Variants in LY6K observed in about 807,000 individuals in gnomAD.
LY6K encodes the protein lymphocyte antigen 6 family member K.
LY6K carries 9 observed loss-of-function variants against 10.4 expected under a neutral mutation model. The ratio of observed to expected loss-of-function variants is 0.87; its 90% CI spans 0.52 to 1.52. The LOEUF is 1.52. Among genes scored for constraint, LY6K ranks in the 40% most tolerant of loss-of-function variants. The probability of loss-of-function intolerance (pLI) is 0.00; values close to 1 mark genes in which losing one functional copy is unlikely to be tolerated. For missense variants in LY6K, 217 were observed against 211.7 expected (o/e 1.02, Z -0.15); for synonymous variants, 98 against 83.7 (o/e 1.17, Z -0.94).
At chr8:142,701,499 TGGGGACCCGCC>T in intron 1 of LY6K, 90 bp from the exon 2 acceptor site, 1 of 749,698 alleles carries the variant, frequency 1.3e-6, no homozygotes, top group Non-Finnish European at 2.3e-6. Flanking sequence ...GGGAGAAGGA[TGGGGACCCGCC>T]GAGTTTGTGC....
chr8:142,702,279 T>G, intron 2 of LY6K: 1 of 567,958 alleles, frequency 1.8e-6, no homozygotes, highest in South Asian at 2.4e-5. Flanking sequence ...AATTAAGCTT[T>G]AATAGTGTTA....
chr8:142,703,411 A>C lies in LY6K; in HGVS notation c.*40A>C. On this transcript the variant is annotated 3_prime_UTR_variant, in exon 3 of 3. Coordinates refer to ENST00000292430, the MANE Select transcript of LY6K (RefSeq NM_017527.4). ...ACAGACTGAGCCTTCCGGAGCATGG[A>C]CTCGCTCCAGACCGTTGTCACCTGT... 1 of 1,580,358 alleles carries C rather than the reference A, an allele frequency of 6.3e-7. No individual in the cohort carries two copies. Among genetic ancestry groups the C allele is most frequent in the Non-Finnish European group, 8.6e-7 (1 of 1,163,986 alleles).
rs1212331198 is a variant in LY6K at position 142,700,545 on chromosome 8, G to C, written c.18G>C (p.Leu6Phe). The C allele has an allele frequency of 6.3e-7, 1 of 1,584,596 alleles. No homozygotes were observed. Among genetic ancestry groups the C allele is most frequent in the Non-Finnish European group, 8.6e-7 (1 of 1,167,724 alleles). ...TGGGGACGATGGCGCTGCTCGCCTT[G>C]CTGCTGGTCGTGGCCCTACCGCGGG... Reference protein sequence around the residue: MALLALLLVVALPRVW... With the variant: MALLAFLLVVALPRVW... Residue 6 changes from leucine (L) to phenylalanine (F), a missense_variant, in exon 1 of 3, where the codon TTG becomes TTC. Physicochemically the swap from Leu to Phe is conservative, Grantham distance 22. Coordinates refer to ENST00000292430, the MANE Select transcript of LY6K (RefSeq NM_017527.4).
Position 142,701,603 on chromosome 8 carries a change from A to C in LY6K, c.107A>C (p.Glu36Ala). Residue 36 changes from glutamate (E) to alanine (A), a missense_variant, in exon 2 of 3, where the codon GAG becomes GCG. Glu to Ala is a moderately radical substitution (Grantham distance 107). Transcript: ENST00000292430. ...TCTTTTTTATTCCTCCTTTCAGACG[A>C]GGGTGACAATAGAGTGTGGTGTCAT... is the stretch of plus-strand genomic sequence containing the variant. The part of the protein sequence containing the change: ...RDPEDSQRTD[E>A]GDNRVWCHVC... The C allele has an allele frequency of 1.9e-6, 3 of 1,601,886 alleles. No individual in the cohort carries two copies. Among genetic ancestry groups the C allele is most frequent in the Non-Finnish European group, 2.6e-6 (3 of 1,168,948 alleles).
chr8:142,702,324 T>TA (rs1267699846), intron 2 of LY6K: 1 of 607,504 alleles, frequency 1.6e-6, no homozygotes, highest in Non-Finnish European at 2.9e-6. Flanking sequence ...ATGTCACTCT[T>TA]ACAAGAGATG....
Position 142,703,256 on chromosome 8 carries a change from T to C in LY6K, c.383T>C (p.Ile128Thr). The change falls in exon 3 of 3, where the codon ATC becomes ACC. Residue 128 changes from isoleucine to threonine, a missense_variant. By Grantham distance (89) the Ile-to-Thr change is moderately conservative (BLOSUM62 -1). Transcript: ENST00000292430. ...IRYCNLEGPPINSSVFKEYAG... is the reference protein window; with the variant it reads ...IRYCNLEGPPTNSSVFKEYAG... Reference sequence around the variant, plus strand: ...TACTGCAATTTAGAGGGGCCACCTATCAACTCATCAGTGTTCAAAGAATAT... The same window carrying C: ...TACTGCAATTTAGAGGGGCCACCTACCAACTCATCAGTGTTCAAAGAATAT... The C allele has an allele frequency of 1.9e-6, 3 of 1,614,178 alleles. No individual in the cohort carries two copies. The highest frequency in any genetic ancestry group is 2.5e-6 in the Non-Finnish European group (3 of 1,180,046).
At position 142,703,544 on chromosome 8, in the gene LY6K, TTAAC is replaced by T; in HGVS notation, c.*175_*178del. 1 of 686,832 alleles carries T rather than the reference TTAAC, an allele frequency of 1.5e-6. No individual in the cohort carries two copies. The highest frequency in any genetic ancestry group is 2.4e-6 in the Non-Finnish European group (1 of 422,944). The allele number at this position is 686,832 out of a possible 1,614,324, so 42.5% of individuals were successfully genotyped here. The stretch of plus-strand genomic sequence containing the variant: ...TTGGCTCTTAACCCTCAAGGGTTCT[TTAAC>T]TCACATTCAGAGGAAGTCCAGATCT... On this transcript the variant is annotated 3_prime_UTR_variant, in exon 3 of 3. Coordinates refer to ENST00000292430, the MANE Select transcript of LY6K (RefSeq NM_017527.4).
At position 142,704,158 on chromosome 8, in the gene LY6K, G is replaced by C. The variant is rs1040498825; in HGVS notation, c.*787G>C. 6.6e-6 allele frequency: 1 copy of C among 152,124 alleles called. No individual in the cohort carries two copies. Among genetic ancestry groups the C allele is most frequent in the Non-Finnish European group, 1.5e-5 (1 of 68,020 alleles). The allele number at this position is 152,124 out of a possible 1,614,324, so 9.4% of individuals were successfully genotyped here. A position where few individuals can be genotyped will look rare whatever the true frequency, so the allele number is the denominator to read the frequency against. ...AAACAAATACAAGGGGACTTCAAAA[G>C]TTCACGAAAAAATTGAATTAAAAGA... is the stretch of plus-strand genomic sequence containing the variant. On this transcript the variant is annotated 3_prime_UTR_variant, in exon 3 of 3. Coordinates refer to ENST00000292430, the MANE Select transcript of LY6K (RefSeq NM_017527.4).
intron 2 of LY6K, chr8:142,702,710 C>T: frequency 6.7e-7 from 1 of 1,498,040 alleles, no homozygotes. Context: ...AGAGTCGAGC[C>T]AGGCCCACCA....
At chr8:142,701,895 C>T (rs1300234531) in intron 2 of LY6K, 182 bp downstream of exon 2, 4 of 531,960 alleles carry the variant, frequency 7.5e-6, no homozygotes, top group Admixed American at 3.2e-5. Flanking sequence ...ACTGCAACCT[C>T]GCCTTCCGGG....
In LY6K at chr8:142,703,583, T is replaced by G. The variant is rs190173214; in HGVS notation, c.*212T>G. 1.9e-4 allele frequency: 110 copies of G among 566,526 alleles called. 1 individual carries two copies. In the African/African-American group the frequency reaches 2.0e-3, roughly 10 times the overall value. 35.1% of individuals were successfully genotyped at this position (566,526 alleles called of 1,614,324 possible). A position where few individuals can be genotyped will look rare whatever the true frequency, so the allele number is the denominator to read the frequency against. On this transcript the variant is annotated 3_prime_UTR_variant, in exon 3 of 3. Coordinates refer to ENST00000292430, the MANE Select transcript of LY6K (RefSeq NM_017527.4). Reference sequence around the variant, plus strand: ...GAGGAAGTCCAGATCTCCTGAGTAGTGATTTTGGTGACAAGTTTTTCTCTT... The same window carrying G: ...GAGGAAGTCCAGATCTCCTGAGTAGGGATTTTGGTGACAAGTTTTTCTCTT...
intron 2 of LY6K, 34 bp from the exon 3 acceptor site, chr8:142,703,057 T>C: frequency 1.9e-6 from 3 of 1,610,816 alleles, no homozygotes; most frequent in Non-Finnish European, 2.5e-6. Flanking sequence ...TGGAATTGCG[T>C]GATTGCCTTC....
rs1223453276 is a variant in LY6K, at chr8:142,700,397, G to A, written c.-131G>A. On this transcript the variant is annotated 5_prime_UTR_variant, in exon 1 of 3. Transcript: ENST00000292430. ...CGACAGGCCCCGGCGGGTGGGAGGC[G>A]CGCGCCCCGGGGCGGGCGGGGCTCC... The A allele has an allele frequency of 2.2e-6, 3 of 1,345,798 alleles. No homozygotes were observed. In the African/African-American group the frequency reaches 4.6e-5, roughly 21 times the overall value. The allele number at this position is 1,345,798 out of a possible 1,614,324, so 83.4% of individuals were successfully genotyped here.
Position 142,700,342 on chromosome 8 carries a change from C to T in LY6K, c.-186C>T, listed in dbSNP as rs1814950102. The T allele has an allele frequency of 7.6e-7, 1 of 1,310,470 alleles. No individual in the cohort carries two copies. Among genetic ancestry groups the T allele is most frequent in the Non-Finnish European group, 9.7e-7 (1 of 1,031,216 alleles). 81.2% of individuals were successfully genotyped at this position (1,310,470 alleles called of 1,614,324 possible). A position where few individuals can be genotyped will look rare whatever the true frequency, so the allele number is the denominator to read the frequency against. On this transcript the variant is annotated 5_prime_UTR_variant, in exon 1 of 3. Transcript: ENST00000292430. The stretch of plus-strand genomic sequence containing the variant: ...CGGCGTTCAGGGCCGCCAGCGGCCG[C>T]GAGGCCCTGAGATGAGGCTCCAAAG...
intron 1 of LY6K, among the ~76,000 whole-genome samples, chr8:142,701,355 G>A (rs587645541): frequency 6.6e-6 from 1 of 152,216 alleles, no homozygotes; most frequent in South Asian, 2.1e-4. Context: ...GCTGGCTTCT[G>A]GGGAGGCCTC....
intron 2 of LY6K, 198 bp from the exon 3 acceptor site, chr8:142,702,893 A>G (rs112626117): frequency 8.4e-6 from 13 of 1,549,576 alleles, no homozygotes; most frequent in African/African-American, 4.1e-5. Context: ...CATACCACGC[A>G]GAAGCCAGCC....
chr8:142,703,052 T>C, intron 2 of LY6K, 39 bp from the exon 3 acceptor site: 4 of 1,610,030 alleles, frequency 2.5e-6, no homozygotes, highest in Non-Finnish European at 3.4e-6. Flanking sequence ...GGCATTGGAA[T>C]TGCGTGATTG....
In LY6K at chr8:142,700,647, C is replaced by A; in HGVS notation, c.103+17C>A. On this transcript the variant is annotated intron_variant, in intron 1 of 2. Coordinates refer to ENST00000292430, the MANE Select transcript of LY6K (RefSeq NM_017527.4). Reference sequence around the variant, plus strand: ...AGCGAACGGGTGAGCCTGGCTCGCCCTCCACAGCCACGGGCCGAGAGGACA... The same window carrying A: ...AGCGAACGGGTGAGCCTGGCTCGCCATCCACAGCCACGGGCCGAGAGGACA... 1 of 1,502,070 alleles carries A rather than the reference C, an allele frequency of 6.7e-7. No homozygotes were observed. Among genetic ancestry groups the A allele is most frequent in the Non-Finnish European group, 8.9e-7 (1 of 1,123,578 alleles). The allele number at this position is 1,502,070 out of a possible 1,614,324, so 93.0% of individuals were successfully genotyped here. A position where few individuals can be genotyped will look rare whatever the true frequency, so the allele number is the denominator to read the frequency against.
At position 142,703,615 on chromosome 8, in the gene LY6K, C is replaced by G. The variant is rs1815129555; in HGVS notation, c.*244C>G. ...GGTGACAAGTTTTTCTCTTTGAAAT[C>G]AAACCTTGTAACTCATTTATTGCTG... On this transcript the variant is annotated 3_prime_UTR_variant, in exon 3 of 3. Coordinates refer to ENST00000292430, the MANE Select transcript of LY6K (RefSeq NM_017527.4). The G allele has an allele frequency of 1.9e-6, 1 of 530,958 alleles. No individual in the cohort carries two copies. Among genetic ancestry groups the G allele is most frequent in the Non-Finnish European group, 3.3e-6 (1 of 301,016 alleles). The allele number at this position is 530,958 out of a possible 1,614,324, so 32.9% of individuals were successfully genotyped here. A position where few individuals can be genotyped will look rare whatever the true frequency, so the allele number is the denominator to read the frequency against.
Sources: allele counts gnomAD v4.1 joint callset (sites outside exome capture counted in the v4.1 genomes callset), GRCh38; gene constraint gnomAD v4.1.1; transcripts MANE v1.5; gene names NCBI Gene and HGNC (gene_info 2026-07-23, HGNC 2026-07-21).